Variants in ANK3 observed in about 807,000 individuals in gnomAD.
ANK3 encodes the protein ankyrin 3.
ANK3 carries 57 observed loss-of-function variants against 370.9 expected under a neutral mutation model. The observed-to-expected ratio is 0.15, with a 90% CI of 0.12 to 0.19. ANK3 has a LOEUF of 0.19. Among genes scored for constraint, ANK3 ranks in the 10% least tolerant of loss-of-function variants. The pLI is 1.00. For synonymous variants in ANK3, 1,929 were observed against 1,946.3 expected, an observed-to-expected ratio of 0.99 and a Z score of 0.23; for missense variants, 4,439 against 5,302.1, an observed-to-expected ratio of 0.84 and a Z score of 5.06.
At chr10:60,592,704 C>A (rs2077933994) in intron 2 of ANK3, among the ~76,000 whole-genome samples, 1 of 152,274 alleles carries the variant, frequency 6.6e-6, no homozygotes. Flanking sequence ...GCAGAAGTCG[C>A]AGTGAGCTGA....
intron 1 of ANK3, among the ~76,000 whole-genome samples, chr10:60,293,438 A>G (rs2041881435): frequency 6.6e-6 from 1 of 152,222 alleles, no homozygotes; most frequent in African/African-American, 2.4e-5. Context: ...ATACAATCCT[A>G]TCTGTTATAC....
At chr10:60,336,564 G>GATCTATCTATCTATCT (rs78424635) in intron 1 of ANK3, among the ~76,000 whole-genome samples, 14 of 150,578 alleles carry the variant, frequency 9.3e-5, no homozygotes, top group East Asian at 2.0e-4. Flanking sequence ...GGAATCTGGA[G>GATCTATCTATCTATCT]ATCTATCTAT....
intron 1 of ANK3, among the ~76,000 whole-genome samples, chr10:60,348,347 C>CAAAAAAAAAAAAAAAAAAAAAA (rs35147179): frequency 1.3e-4 from 9 of 68,158 alleles, no homozygotes; most frequent in African/African-American, 3.2e-4. Flanking sequence ...TATCACTAGC[C>CAAAAAAAAAAAAAAAAAAAAAA]AAAAAAAAAA....
intron 21 of ANK3, among the ~76,000 whole-genome samples, chr10:60,171,834 C>T (rs2095800921): frequency 6.6e-6 from 1 of 152,142 alleles, no homozygotes; most frequent in Admixed American, 6.5e-5. Flanking sequence ...CAGGCAAAAC[C>T]AGTTCTGATC....
At chr10:60,522,345 AC>A (rs1015783682) in intron 2 of ANK3, among the ~76,000 whole-genome samples, 4 of 83,624 alleles carry the variant, frequency 4.8e-5, no homozygotes, top group African/African-American at 1.5e-4. Flanking sequence ...CCATATTGAG[AC>A]TTTTTTTTTT....
intron 1 of ANK3, among the ~76,000 whole-genome samples, chr10:60,705,923 G>T (rs1589055143): frequency 6.8e-6 from 1 of 147,248 alleles, no homozygotes; most frequent in South Asian, 2.2e-4. Flanking sequence ...CCCAGGCTCA[G>T]ATGATCCTCC....
upstream of ANK3, among the ~76,000 whole-genome samples, chr10:60,393,355 C>T (rs2063151739): frequency 6.6e-6 from 1 of 152,182 alleles, no homozygotes; most frequent in African/African-American, 2.4e-5. Context: ...AAAAGTGATT[C>T]TCCCTGCTAA....
At position 60,069,367 on chromosome 10, in the gene ANK3, G is replaced by A. The variant is rs1419926697; in HGVS notation, c.11514C>T (p.His3838=). 3 of 1,613,768 alleles carry A rather than the reference G, an allele frequency of 1.9e-6. No individual in the cohort carries two copies. The highest frequency in any genetic ancestry group is 2.5e-6 in the Non-Finnish European group (3 of 1,179,974). ...SGKKTGVLQG[H]CVRDKQKVLG... is the part of the protein sequence containing the mutation. ...GAACTTTCTGCTTATCTCTTACACA[G>A]TGTCCTTGTAGTACCCCTGTCTTTT... The change falls in exon 37 of 44, where the codon CAC becomes CAT. Residue 3838 remains histidine (H), a synonymous_variant. Coordinates refer to ENST00000280772, the MANE Select transcript of ANK3 (RefSeq NM_020987.5).
intron 2 of ANK3, among the ~76,000 whole-genome samples, chr10:60,438,005 C>T (rs1194606927): frequency 1.3e-5 from 2 of 152,096 alleles, no homozygotes; most frequent in Admixed American, 6.5e-5. Context: ...GAGTTATTTA[C>T]TATTTTTTCC....
At chr10:60,661,158 G>T (rs182045265) in intron 1 of ANK3, among the ~76,000 whole-genome samples, 6,119 of 141,676 alleles carry the variant, frequency 0.043, 159 homozygotes, top group Middle Eastern at 0.081. Flanking sequence ...AAGTGTTTTG[G>T]TTTTTTTTTT....
chr10:60,539,249 T>C (rs2076792371), intron 2 of ANK3, among the ~76,000 whole-genome samples: 1 of 151,960 alleles, frequency 6.6e-6, no homozygotes, highest in Admixed American at 6.6e-5. Context: ...GCATATAAAA[T>C]TGATCCACAG....
intron 2 of ANK3, among the ~76,000 whole-genome samples, chr10:60,453,838 A>G (rs1450981741): frequency 6.6e-6 from 1 of 152,184 alleles, no homozygotes; most frequent in Non-Finnish European, 1.5e-5. Context: ...TTTTATGCCT[A>G]AATATTAGCA....
chr10:60,084,522 T>C, intron 32 of ANK3, 80 bp downstream of exon 32: 1 of 1,075,796 alleles, frequency 9.3e-7, no homozygotes, highest in Non-Finnish European at 1.4e-6. Flanking sequence ...TATTTTATAG[T>C]GAGTGCTATT....
In ANK3 at chr10:60,240,095, C is replaced by T. The variant is rs9664950; in HGVS notation, c.799-5309G>A. On this transcript the variant is annotated intron_variant, in intron 7 of 43. Coordinates refer to ENST00000280772, the MANE Select transcript of ANK3 (RefSeq NM_020987.5). ...TATATACATATATACACTATATATA[C>T]ACACACATAAATACATATATATACA... Among the ~76,000 whole-genome samples, 6 of 131,680 alleles carry T rather than the reference C, an allele frequency of 4.6e-5. No individual in the cohort carries two copies. In the East Asian group the frequency reaches 1.3e-3, roughly 28 times the overall value. 86.4% of individuals were successfully genotyped at this position (131,680 alleles called of 152,430 possible).
chr10:60,233,765 C>T (rs1430347346), intron 8 of ANK3, among the ~76,000 whole-genome samples: 2 of 152,152 alleles, frequency 1.3e-5, no homozygotes, highest in Non-Finnish European at 2.9e-5. Context: ...TGGTAAAATA[C>T]ATACAACATA....
chr10:60,199,076 C>T (rs2096632003), intron 13 of ANK3, among the ~76,000 whole-genome samples: 2 of 152,106 alleles, frequency 1.3e-5, no homozygotes, highest in South Asian at 4.1e-4. Flanking sequence ...GGCTGTGCAT[C>T]CTGGCAAGGG....
Position 60,069,116 on chromosome 10 carries a change from T to C in ANK3, c.11765A>G (p.Asn3922Ser). The C allele has an allele frequency of 6.2e-7, 1 of 1,614,166 alleles. No individual in the cohort carries two copies. The highest frequency in any genetic ancestry group is 8.5e-7 in the Non-Finnish European group (1 of 1,180,002). The change falls in exon 37 of 44, where the codon AAC becomes AGC. Residue 3922 changes from asparagine (N) to serine (S), a missense_variant. Around this residue, in one of 13 missense-constraint regions of ANK3, gnomAD observed 496 missense variants for 529.3 expected, o/e 0.94. Coordinates refer to ENST00000280772, the MANE Select transcript of ANK3 (RefSeq NM_020987.5). ...ACATGCTTTTCTAACTGCAATTATG[T>C]TATCCCTGTGTGTGTTTTTCACTGG... is the stretch of plus-strand genomic sequence containing the variant. ...RIPVKNTHRDNIIAVRKACAT... is the reference protein window; with the variant it reads ...RIPVKNTHRDSIIAVRKACAT...
At chr10:60,319,336 G>C (rs988846287) in intron 1 of ANK3, among the ~76,000 whole-genome samples, 1 of 152,104 alleles carries the variant, frequency 6.6e-6, no homozygotes, top group Non-Finnish European at 1.5e-5. Flanking sequence ...TGCTCATAGA[G>C]ATTAAAAACC....
intron 2 of ANK3, among the ~76,000 whole-genome samples, chr10:60,534,444 A>C (rs1225819259): frequency 6.6e-6 from 1 of 152,152 alleles, no homozygotes; most frequent in African/African-American, 2.4e-5. Context: ...GGTAAAAGAT[A>C]AATGGGTGTT....
Sources: allele counts gnomAD v4.1 joint callset (sites outside exome capture counted in the v4.1 genomes callset), GRCh38; gene constraint gnomAD v4.1.1; regional missense constraint gnomAD v4.1.1; transcripts MANE v1.5; gene names NCBI Gene and HGNC (gene_info 2026-07-23, HGNC 2026-07-21).